Variants in ADAMTS5 observed in about 807,000 individuals in gnomAD.
ADAMTS5 encodes A disintegrin and metalloproteinase with thrombospondin motifs 5.
A neutral mutation model predicts 81.4 loss-of-function variants in ADAMTS5; 54 were observed. That is an observed-to-expected ratio of 0.66 (90% CI 0.53 to 0.83). The LOEUF (loss-of-function observed/expected upper bound fraction) is 0.83, where lower values mean the gene tolerates loss of function less well. ADAMTS5 is among the 40% of genes least tolerant of loss of function. The pLI is 0.00. For missense variants in ADAMTS5, 1,194 were observed against 1,229.9 expected, an observed-to-expected ratio of 0.97 and a Z score of 0.44; for synonymous variants, 532 against 508.8, an observed-to-expected ratio of 1.05 and a Z score of -0.61.
At chr21:26,953,996 A>G (rs920622682) in intron 2 of ADAMTS5, 1 of 152,400 alleles carries the variant, frequency 6.6e-6, no homozygotes, top group Non-Finnish European at 1.5e-5. Flanking sequence ...GACAGAAAAA[A>G]GTTAGACACA....
rs2123213022 is a variant in ADAMTS5, at chr21:26,965,312, A to G, written c.1080T>C (p.Asp360=). Residue 360 remains aspartate, a synonymous_variant, in exon 1 of 8, where the codon GAT becomes GAC. Coordinates refer to ENST00000284987, the MANE Select transcript of ADAMTS5 (RefSeq NM_007038.5). ...CCTCCCGAGTAAACAGGATAGCTGC[A>G]TCGTAGTGCTCCTCATGGTCATCTC... ...QLGDDHEEHY[D]AAILFTREDL... 1.9e-6 allele frequency: 3 copies of G among 1,613,966 alleles called. No individual in the cohort carries two copies. Among genetic ancestry groups the G allele is most frequent in the Non-Finnish European group, 2.5e-6 (3 of 1,179,870 alleles).
intron 4 of ADAMTS5, among the ~76,000 whole-genome samples, chr21:26,933,562 C>A (rs954578888): frequency 6.6e-6 from 1 of 152,192 alleles, no homozygotes; most frequent in Non-Finnish European, 1.5e-5. Flanking sequence ...ATAAATGTAC[C>A]GGACCCAACT....
intron 7 of ADAMTS5, among the ~76,000 whole-genome samples, chr21:26,926,667 TAAAA>T (rs35848324): frequency 1.6e-5 from 2 of 123,336 alleles, no homozygotes; most frequent in African/African-American, 3.0e-5. Context: ...GACCCTGTCT[TAAAA>T]AAAAAAAAAA....
chr21:26,961,710 A>T (rs1334473358), intron 1 of ADAMTS5, among the ~76,000 whole-genome samples: 1 of 152,156 alleles, frequency 6.6e-6, no homozygotes, highest in East Asian at 1.9e-4. Flanking sequence ...CCCACTTCTG[A>T]GTTATTTATC....
Position 26,922,429 on chromosome 21 carries a change from C to T in ADAMTS5, c.*1624G>A, listed in dbSNP as rs1023996757. 2 of 151,922 alleles carry T rather than the reference C, an allele frequency of 1.3e-5. No homozygotes were observed. Among genetic ancestry groups the T allele is most frequent in the African/African-American group, 2.4e-5 (1 of 41,390 alleles). The allele number at this position is 151,922 out of a possible 1,614,324, so 9.4% of individuals were successfully genotyped here. ...CTTGTAGAACTCAAACAGTGGTTCC[C>T]TAAGATCTTCACATGCAAATCTTTA... On this transcript the variant is annotated 3_prime_UTR_variant, in exon 8 of 8. Transcript: ENST00000284987.
chr21:26,931,907 A>G lies in ADAMTS5; in HGVS notation c.2049+97T>C, dbSNP rs909386390. 16 of 1,290,704 alleles carry G rather than the reference A, an allele frequency of 1.2e-5. No homozygotes were observed. The African/African-American group carries it at 2.2e-4, about 18-fold the overall frequency. 80.0% of individuals were successfully genotyped at this position (1,290,704 alleles called of 1,614,324 possible). Reference sequence around the variant, plus strand: ...CCTTCCAAAATCTAACTGACCCCAAACTAATAACTGTTTACGTCTGGCGTC... The same window carrying G: ...CCTTCCAAAATCTAACTGACCCCAAGCTAATAACTGTTTACGTCTGGCGTC... On this transcript the variant is annotated intron_variant, in intron 6 of 7. Transcript: ENST00000284987.
chr21:26,954,753 A>G lies in ADAMTS5; in HGVS notation c.1223T>C (p.Val408Ala). 1.2e-6 allele frequency: 2 copies of G among 1,614,036 alleles called. No homozygotes were observed. The highest frequency in any genetic ancestry group is 1.7e-5 in the Admixed American group (1 of 59,988). The change falls in exon 2 of 8, where the codon GTG becomes GCG. Residue 408 changes from valine to alanine, a missense_variant. Physicochemically the swap from Val to Ala is moderately conservative, Grantham distance 64. This residue lies in a region of ADAMTS5 where 696 missense variants were observed against 817.6 expected (regional missense o/e 0.85). Coordinates refer to ENST00000284987, the MANE Select transcript of ADAMTS5 (RefSeq NM_007038.5). ...EDDGLHAAFT[V>A]AHEIGHLLGL... The stretch of plus-strand genomic sequence containing the variant: ...GCGCTGCATACCGATTTCGTGAGCC[A>G]CAGTGAAGGCTGCGTGGAGGCCATC...
At chr21:26,964,805 G>T (rs374070808) in intron 1 of ADAMTS5, among the ~76,000 whole-genome samples, 1 of 152,216 alleles carries the variant, frequency 6.6e-6, no homozygotes, top group Admixed American at 6.5e-5. Flanking sequence ...TAGTAAAAAG[G>T]TGTGGACACT....
intron 1 of ADAMTS5, among the ~76,000 whole-genome samples, chr21:26,955,239 CA>C (rs1419862238): frequency 6.6e-6 from 1 of 152,198 alleles, no homozygotes; most frequent in Non-Finnish European, 1.5e-5. Flanking sequence ...CTAAATTTAT[CA>C]AAATCTGGCC....
Position 26,924,068 on chromosome 21 carries a change from C to T in ADAMTS5, c.2778G>A (p.Leu926=), listed in dbSNP as rs2123162670. The T allele has an allele frequency of 1.9e-6, 3 of 1,595,218 alleles. No homozygotes were observed. Among genetic ancestry groups the T allele is most frequent in the East Asian group, 4.5e-5 (2 of 44,364 alleles). ...TAACCACAGGCTAACATTTCTTCAA[C>T]AAGCATTGCTTAAACGCAGAAGGCC... The part of the protein sequence containing the change: ...SQRPSAFKQC[L]LKKC The change falls in exon 8 of 8, where the codon TTG becomes TTA. Residue 926 remains leucine, a synonymous_variant. Transcript: ENST00000284987.
chr21:26,956,829 T>TTAATATCTC (rs1169975818), intron 1 of ADAMTS5, among the ~76,000 whole-genome samples: 1 of 152,240 alleles, frequency 6.6e-6, no homozygotes, highest in Non-Finnish European at 1.5e-5. Flanking sequence ...AACTAGATTC[T>TTAATATCTC]TAATATCTCT....
At chr21:26,927,164 A>C (rs1568838208) in intron 7 of ADAMTS5, among the ~76,000 whole-genome samples, 2 of 152,210 alleles carry the variant, frequency 1.3e-5, no homozygotes, top group Admixed American at 6.5e-5. Flanking sequence ...GGGCAAAGGA[A>C]TCTTGTTTTG....
At chr21:26,964,030 A>G (rs1160276311) in intron 1 of ADAMTS5, among the ~76,000 whole-genome samples, 4 of 152,202 alleles carry the variant, frequency 2.6e-5, no homozygotes, top group African/African-American at 4.8e-5. Context: ...TAGGTAGCGA[A>G]GCTGTGTGAT....
intron 2 of ADAMTS5, among the ~76,000 whole-genome samples, chr21:26,952,407 C>T (rs1987337007): frequency 6.6e-6 from 1 of 152,230 alleles, no homozygotes; most frequent in Admixed American, 6.5e-5. Context: ...CATCTGGCTT[C>T]CTGCCTCTCA....
Position 26,924,010 on chromosome 21 carries a change from T to C in ADAMTS5, c.*43A>G, listed in dbSNP as rs1240457297. 5.2e-6 allele frequency: 8 copies of C among 1,543,568 alleles called. No individual in the cohort carries two copies. The African/African-American group carries it at 1.1e-4, about 21-fold the overall frequency. On this transcript the variant is annotated 3_prime_UTR_variant, in exon 8 of 8. Transcript: ENST00000284987. ...CTGTTCACCACGACTGCATCAGTGC[T>C]GAATCCTCCAGTTATCTTTGTGCAT... is the stretch of plus-strand genomic sequence containing the variant.
chr21:26,960,444 T>C (rs1987507852), intron 1 of ADAMTS5, among the ~76,000 whole-genome samples: 1 of 152,016 alleles, frequency 6.6e-6, no homozygotes, highest in African/African-American at 2.4e-5. Context: ...TACAAGGAGG[T>C]AAATGAGGTT....
chr21:26,934,869 A>G, intron 3 of ADAMTS5, 120 bp from the exon 4 acceptor site: 1 of 1,324,594 alleles, frequency 7.5e-7, no homozygotes. Flanking sequence ...ATGAATCTGT[A>G]GTGTAATGCT....
At chr21:26,960,410 A>ACTCAT (rs1987507111) in intron 1 of ADAMTS5, among the ~76,000 whole-genome samples, 1 of 152,190 alleles carries the variant, frequency 6.6e-6, no homozygotes, top group Admixed American at 6.5e-5. Flanking sequence ...TCCTCTCCAA[A>ACTCAT]CTCATCTATT....
chr21:26,942,840 C>A (rs1408376866), intron 3 of ADAMTS5, among the ~76,000 whole-genome samples: 1 of 152,142 alleles, frequency 6.6e-6, no homozygotes, highest in African/African-American at 2.4e-5. Context: ...TTCTGTTATG[C>A]AGTTTTTACT....
Sources: gnomAD v4.1 joint callset for allele counts (sites outside exome capture counted in the v4.1 genomes callset) on GRCh38, gnomAD v4.1.1 for gene constraint, gnomAD v4.1.1 regional missense constraint, MANE v1.5 for transcripts, NCBI Gene and HGNC (gene_info 2026-07-23, HGNC 2026-07-21) for gene names.